AOPEP: variants seen among roughly 807,000 people sequenced by gnomAD.
AOPEP encodes aminopeptidase O (putative).
A neutral mutation model predicts 98.1 loss-of-function variants in AOPEP; 77 were observed. The observed-to-expected ratio is 0.78, with a 90% CI of 0.65 to 0.95. The LOEUF is 0.95. Among genes scored for constraint, AOPEP ranks in the 40% least tolerant of loss-of-function variants. AOPEP has a pLI of 0.00. For synonymous variants in AOPEP, 346 were observed against 365.3 expected (o/e 0.95, Z 0.60); for missense variants, 1,024 against 1,024.7 (o/e 1.00, Z 0.01).
At chr9:95,104,793 T>C in the AOPEP span, among the ~76,000 whole-genome samples, 1 of 152,022 alleles carries the variant, frequency 6.6e-6, no homozygotes, top group African/African-American at 2.4e-5. Context: ...GGCCACAGGG[T>C]TGGGGAGGAA....
chr9:94,885,702 G>A (rs186712135), intron 5 of AOPEP, among the ~76,000 whole-genome samples: 48 of 152,222 alleles, frequency 3.2e-4, no homozygotes, highest in Non-Finnish European at 6.3e-4. Flanking sequence ...TGCCTACATG[G>A]TTTTGCATTC....
intron 5 of AOPEP, among the ~76,000 whole-genome samples, chr9:94,885,472 A>G (rs2135946801): frequency 6.6e-6 from 1 of 151,602 alleles, no homozygotes; most frequent in Admixed American, 6.6e-5. Flanking sequence ...CACGTGGCTA[A>G]AGGGAAAAAG....
chr9:95,103,410 C>T, the AOPEP span, among the ~76,000 whole-genome samples: 1 of 152,200 alleles, frequency 6.6e-6, no homozygotes, highest in Admixed American at 6.5e-5. Context: ...TTGAACTCTG[C>T]ATCTCGGAAT....
At chr9:94,763,154 C>A (rs1314398103) in intron 2 of AOPEP, 1 of 447,542 alleles carries the variant, frequency 2.2e-6, no homozygotes, top group Admixed American at 2.6e-5. Flanking sequence ...CTGGAAGCTT[C>A]TAGATAAATC....
At chr9:95,060,500 G>A (rs2067233272) in intron 13 of AOPEP, among the ~76,000 whole-genome samples, 194 bp from the exon 14 acceptor site, 1 of 152,222 alleles carries the variant, frequency 6.6e-6, no homozygotes, top group Non-Finnish European at 1.5e-5. Flanking sequence ...ACCCCAGAAT[G>A]TAGTGTCTTT....
chr9:95,101,081 A>AGTT, the AOPEP span: 1 of 236,094 alleles, frequency 4.2e-6, no homozygotes, highest in Non-Finnish European at 8.4e-6. Flanking sequence ...TTTTGGTAGC[A>AGTT]GTTAGCATCA....
chr9:94,937,755 C>G (rs962580479), intron 7 of AOPEP, among the ~76,000 whole-genome samples: 2 of 152,224 alleles, frequency 1.3e-5, no homozygotes, highest in Non-Finnish European at 2.9e-5. Context: ...TGTCCCTCCT[C>G]TGTACTCCTA....
At chr9:94,900,686 C>G (rs1007192797) in intron 5 of AOPEP, 1 of 152,186 alleles carries the variant, frequency 6.6e-6, no homozygotes, top group African/African-American at 2.4e-5. Flanking sequence ...TTCTTTGAAA[C>G]ATTTTTCTCT....
Position 94,773,172 on chromosome 9 carries a change from C to T in AOPEP, c.964+4C>T. 2 of 1,612,878 alleles carry T rather than the reference C, an allele frequency of 1.2e-6. No individual in the cohort carries two copies. Among genetic ancestry groups the T allele is most frequent in the East Asian group, 2.2e-5 (1 of 44,866 alleles). ...AAACCAACGCAGCTTTGGGAAGGTA[C>T]TGTACATGTGTTCTTTGCTTATTTA... On this transcript the variant is annotated splice_donor_region_variant and intron_variant, in intron 3 of 16. Coordinates refer to ENST00000375315, the MANE Select transcript of AOPEP (RefSeq NM_001193329.3).
intron 13 of AOPEP, among the ~76,000 whole-genome samples, chr9:95,009,728 A>G (rs1179294834): frequency 1.3e-5 from 2 of 152,228 alleles, no homozygotes; most frequent in Admixed American, 6.5e-5. Flanking sequence ...TGTTACCTTC[A>G]TAATTCTTTT....
intron 5 of AOPEP, among the ~76,000 whole-genome samples, chr9:94,803,970 G>C (rs940432775): frequency 6.6e-5 from 10 of 152,204 alleles, no homozygotes; most frequent in African/African-American, 4.8e-5. Context: ...TATGATGTCT[G>C]TATGAAGATA....
At chr9:94,816,327 G>T (rs1451001243) in intron 5 of AOPEP, among the ~76,000 whole-genome samples, 1 of 152,124 alleles carries the variant, frequency 6.6e-6, no homozygotes, top group African/African-American at 2.4e-5. Flanking sequence ...TTCCTCCAGG[G>T]TGCAACATGT....
At chr9:94,756,807 C>T (rs995590214) in intron 1 of AOPEP, among the ~76,000 whole-genome samples, 1 of 152,166 alleles carries the variant, frequency 6.6e-6, no homozygotes, top group Non-Finnish European at 1.5e-5. Flanking sequence ...CCATTTTTCT[C>T]TCTTCCTCCA....
At chr9:94,897,493 T>C (rs1037330979) in intron 5 of AOPEP, among the ~76,000 whole-genome samples, 1 of 152,150 alleles carries the variant, frequency 6.6e-6, no homozygotes, top group Non-Finnish European at 1.5e-5. Flanking sequence ...AAATGCATTC[T>C]TGATATGTGG....
chr9:94,894,638 C>T (rs1214113206), intron 5 of AOPEP, among the ~76,000 whole-genome samples: 1 of 152,140 alleles, frequency 6.6e-6, no homozygotes, highest in African/African-American at 2.4e-5. Context: ...TTTCAATAAA[C>T]AGGTCAGTTC....
chr9:94,760,506 T>A lies in AOPEP; in HGVS notation c.723T>A (p.Pro241=), dbSNP rs1459576426. The A allele has an allele frequency of 2.5e-6, 4 of 1,607,402 alleles. No homozygotes were observed. ...KTGAQTATDF[P]HAIRIWYKTK... is the part of the protein sequence containing the mutation. ...GGGCTCAGACAGCTACTGACTTTCC[T>A]CATGCTATCAGGATATGGTACAAAA... The change falls in exon 2 of 17, where the codon CCT becomes CCA. Residue 241 remains proline, a synonymous_variant. Transcript: ENST00000375315.
At chr9:95,110,712 T>C in the AOPEP span, 2 of 1,060,694 alleles carry the variant, frequency 1.9e-6, no homozygotes, top group Non-Finnish European at 2.3e-6. Context: ...AAAATGAGCC[T>C]TGTCCTCTTT....
chr9:95,086,173 C>CGCGTCAACCCT, intron 16 of AOPEP: 1 of 1,325,554 alleles, frequency 7.5e-7, no homozygotes, highest in Non-Finnish European at 1.0e-6. Flanking sequence ...CAGACAGGCC[C>CGCGTCAACCCT]GCGTCCACCC....
intron 3 of AOPEP, among the ~76,000 whole-genome samples, chr9:94,787,225 T>G (rs1452686290): frequency 6.6e-6 from 1 of 152,226 alleles, no homozygotes; most frequent in African/African-American, 2.4e-5. Context: ...TTCTGACTTT[T>G]TAATTGCTAA....
Sources: allele counts gnomAD v4.1 joint callset (sites outside exome capture counted in the v4.1 genomes callset), GRCh38; gene constraint gnomAD v4.1.1; transcripts MANE v1.5; gene names NCBI Gene and HGNC (gene_info 2026-07-23, HGNC 2026-07-21).